CDHR2: variants seen among roughly 807,000 people sequenced by gnomAD.
The protein encoded by CDHR2 is cadherin related family member 2.
In CDHR2, 104 loss-of-function variants were observed where a neutral mutation model predicts 138.6. That is an observed-to-expected ratio of 0.75 (90% CI 0.64 to 0.88). The LOEUF is 0.88. CDHR2 is among the 40% of genes least tolerant of loss of function. The pLI is 0.00. For missense variants in CDHR2, 1,624 were observed against 1,727.6 expected, an observed-to-expected ratio of 0.94 and a Z score of 1.06; for synonymous variants, 755 against 742.8, an observed-to-expected ratio of 1.02 and a Z score of -0.27.
intron 17 of CDHR2, among the ~76,000 whole-genome samples, chr5:176,582,920 T>C (rs1758563335): frequency 6.6e-6 from 1 of 152,168 alleles, no homozygotes; most frequent in Non-Finnish European, 1.5e-5. Context: ...TTGTGACAAA[T>C]GTGCACCTCT....
rs763369543 is a variant in CDHR2, at chr5:176,590,581, G to A, written c.3433G>A (p.Glu1145Lys). The change falls in exon 28 of 32, where the codon GAG becomes AAG. Residue 1145 changes from glutamate to lysine, a missense_variant. Coordinates refer to ENST00000261944, the MANE Select transcript of CDHR2 (RefSeq NM_017675.6). ...TCTCCAGGGCTCCCAGGAGAGCCAG[G>A]AGTCAGACCTGTCGAAACAGCTCAT... ...LVVLGSQESQESDLSKQLISV... is the reference protein window; with the variant it reads ...LVVLGSQESQKSDLSKQLISV... 17 of 1,614,080 alleles carry A rather than the reference G, an allele frequency of 1.1e-5. No individual in the cohort carries two copies. The highest frequency in any genetic ancestry group is 1.7e-5 in the Admixed American group (1 of 60,022).
At position 176,553,263 on chromosome 5, in the gene CDHR2, C is replaced by A. The variant is rs181784949; in HGVS notation, c.-16+3849C>A. Among the ~76,000 whole-genome samples the A allele has an allele frequency of 6.7e-4, 102 of 152,306 alleles. No individual in the cohort carries two copies. Among genetic ancestry groups the A allele is most frequent in the Non-Finnish European group, 1.2e-3 (85 of 68,028 alleles). Reference sequence around the variant, plus strand: ...GCCTAGAAAAGAGAGAAGGCACAGGCCTGGCTTGGGTTCTGCCCATTACTG... The same window carrying A: ...GCCTAGAAAAGAGAGAAGGCACAGGACTGGCTTGGGTTCTGCCCATTACTG... On this transcript the variant is annotated intron_variant, in intron 1 of 31. Transcript: ENST00000261944. This position sits in a 1 kb window ranked among gnomAD's most constrained non-coding sequence, Gnocchi z 4.3.
chr5:176,568,418 G>C (rs1277334529), intron 3 of CDHR2, among the ~76,000 whole-genome samples: 1 of 152,246 alleles, frequency 6.6e-6, no homozygotes, highest in Non-Finnish European at 1.5e-5. Flanking sequence ...AGAGGGCAGG[G>C]CCACAGGCTT....
At chr5:176,564,843 C>T (rs920395715) in intron 1 of CDHR2, among the ~76,000 whole-genome samples, 1 of 151,978 alleles carries the variant, frequency 6.6e-6, no homozygotes, top group Non-Finnish European at 1.5e-5. Flanking sequence ...TGGTCCTGGA[C>T]AAATTATGGT....
chr5:176,577,299 A>T, intron 12 of CDHR2, 100 bp from the exon 13 acceptor site: 1 of 1,321,542 alleles, frequency 7.6e-7, no homozygotes, highest in Non-Finnish European at 1.0e-6. Flanking sequence ...ATGGGACCTC[A>T]TCGGGCGGGG....
At chr5:176,548,925 G>A (rs1757645024), upstream of CDHR2, among the ~76,000 whole-genome samples, 1 of 152,092 alleles carries the variant, frequency 6.6e-6, no homozygotes, top group African/African-American at 2.4e-5. Context: ...GGCTGGTCTG[G>A]CCACACAGTG....
Position 176,575,266 on chromosome 5 carries a change from C to A in CDHR2, c.622-14C>A, listed in dbSNP as rs1274915625. ...ACCCACGGCGCTGGCTCACGGGTGG[C>A]CATCTCCCCGCAGGACTTGGGCGGC... is the stretch of plus-strand genomic sequence containing the variant. On this transcript the variant is annotated splice_polypyrimidine_tract_variant and intron_variant, in intron 8 of 31. Coordinates refer to ENST00000261944, the MANE Select transcript of CDHR2 (RefSeq NM_017675.6). The A allele has an allele frequency of 1.9e-6, 3 of 1,614,162 alleles. No individual in the cohort carries two copies. Among genetic ancestry groups the A allele is most frequent in the Non-Finnish European group, 2.5e-6 (3 of 1,180,002 alleles).
intron 19 of CDHR2, 103 bp from the exon 20 acceptor site, chr5:176,585,851 G>C (rs1758651395): frequency 1.1e-6 from 1 of 892,168 alleles, no homozygotes; most frequent in Non-Finnish European, 1.8e-6. Context: ...CGGGGTTGAG[G>C]CTGCGGGGCA....
intron 1 of CDHR2, among the ~76,000 whole-genome samples, chr5:176,551,525 C>G (rs1158568494): frequency 6.7e-6 from 1 of 149,542 alleles, no homozygotes; most frequent in African/African-American, 2.5e-5. Context: ...AGGTCTTGCT[C>G]TGTCGCCCAG....
At chr5:176,555,391 A>C (rs147022886) in intron 1 of CDHR2, among the ~76,000 whole-genome samples, 2,341 of 152,276 alleles carry the variant, frequency 0.015, 55 homozygotes, top group African/African-American at 0.053. Flanking sequence ...TTCAGCTGTG[A>C]GGGCCTCAGC....
At chr5:176,569,353 G>A (rs1252900738) in intron 5 of CDHR2, among the ~76,000 whole-genome samples, 1 of 149,174 alleles carries the variant, frequency 6.7e-6, no homozygotes. Flanking sequence ...GCGCGATCTC[G>A]GCTCACTGCA....
Position 176,588,637 on chromosome 5 carries a change from CTGAG to C in CDHR2, c.2857-391_2857-388del, listed in dbSNP as rs1171553895. On this transcript the variant is annotated intron_variant, in intron 21 of 31. Coordinates refer to ENST00000261944, the MANE Select transcript of CDHR2 (RefSeq NM_017675.6). Reference sequence around the variant, plus strand: ...TGTGTAAGTGTGTGTTAGGGTGAGACTGAGTGTGAGTGGGACAGTGTGTGAGAGT... The same window carrying C: ...TGTGTAAGTGTGTGTTAGGGTGAGACTGTGAGTGGGACAGTGTGTGAGAGT... 1.2e-4 allele frequency among the ~76,000 whole-genome samples: 18 copies of C among 145,092 alleles called. No homozygotes were observed. The East Asian group carries it at 2.2e-3, about 17-fold the overall frequency.
In CDHR2 at chr5:176,586,834, T is replaced by C; in HGVS notation, c.2848T>C (p.Ser950Pro). ...CGTGCTGCCCAACCGGGAGGTGGCT[T>C]CTGTCCGGGTAAGTTCTTGGCTCCA... Reference protein sequence around the residue: ...ELVLPNREVASVRARDDDSGN... With the variant: ...ELVLPNREVAPVRARDDDSGN... The change falls in exon 21 of 32, where the codon TCT becomes CCT. Residue 950 changes from serine (S) to proline (P), a missense_variant. Physicochemically the swap from Ser to Pro is moderately conservative, Grantham distance 74. Coordinates refer to ENST00000261944, the MANE Select transcript of CDHR2 (RefSeq NM_017675.6). 1 of 1,609,800 alleles carries C rather than the reference T, an allele frequency of 6.2e-7. No homozygotes were observed. The highest frequency in any genetic ancestry group is 1.1e-5 in the South Asian group (1 of 89,772).
At chr5:176,591,755 T>C in intron 30 of CDHR2, 1 of 177,762 alleles carries the variant, frequency 5.6e-6, no homozygotes, top group South Asian at 4.3e-5. Context: ...ATGGTGGTGA[T>C]GATGGTGATG....
chr5:176,575,687 G>GCAGCTGTTC (rs777258246), intron 10 of CDHR2, 37 bp from the exon 11 acceptor site: 264 of 1,587,250 alleles, frequency 1.7e-4, no homozygotes, highest in Non-Finnish European at 2.1e-4. Context: ...AGCCACTGGA[G>GCAGCTGTTC]CAGCTGTTCC....
At chr5:176,545,580 T>C (rs1757569952), upstream of CDHR2, among the ~76,000 whole-genome samples, 1 of 152,244 alleles carries the variant, frequency 6.6e-6, no homozygotes, top group Non-Finnish European at 1.5e-5. Context: ...TGTCATGCAT[T>C]ACATCATTAC....
rs558336697 is a variant in CDHR2 at position 176,573,850 on chromosome 5, A to T, written c.406-233A>T. Among the ~76,000 whole-genome samples the T allele has an allele frequency of 3.5e-4, 53 of 152,224 alleles. No homozygotes were observed. In the South Asian group the frequency reaches 0.011, roughly 32 times the overall value. ...CATCCTGGTTCTGAGGGGCTCCGAC[A>T]ATCAGAAGCCAGCTTAGGTGGTGGA... On this transcript the variant is annotated intron_variant, in intron 6 of 31. Transcript: ENST00000261944.
At chr5:176,581,959 C>A (rs1053392050) in intron 17 of CDHR2, among the ~76,000 whole-genome samples, 14 of 152,184 alleles carry the variant, frequency 9.2e-5, no homozygotes, top group African/African-American at 3.4e-4. Flanking sequence ...GTGTCTATTG[C>A]ACATCAGGGC....
At position 176,575,760 on chromosome 5, in the gene CDHR2, A is replaced by G. The variant is rs1037173035; in HGVS notation, c.881A>G (p.Asp294Gly). ...TRPGWFDIGA[D>G]GVIRVNGSLD... ...CCCGGCTGGTTTGACATCGGGGCAG[A>G]TGGGGTGATCAGGGTCAACGGCTCC... is the stretch of plus-strand genomic sequence containing the variant. Residue 294 changes from aspartate to glycine, a missense_variant, in exon 11 of 32, where the codon GAT becomes GGT. Asp to Gly is a moderately conservative substitution (Grantham distance 94). Transcript: ENST00000261944. 6 of 1,568,690 alleles carry G rather than the reference A, an allele frequency of 3.8e-6. No individual in the cohort carries two copies. In the African/African-American group the frequency reaches 8.2e-5, roughly 21 times the overall value.
Sources: gnomAD v4.1 joint callset for allele counts (sites outside exome capture counted in the v4.1 genomes callset) on GRCh38, gnomAD v4.1.1 for gene constraint, Gnocchi (gnomAD v3.1) non-coding constraint, MANE v1.5 for transcripts, NCBI Gene and HGNC (gene_info 2026-07-23, HGNC 2026-07-21) for gene names.